The following NAALADL2 variants were observed in gnomAD, a reference collection of about 807,000 sequenced individuals.
NAALADL2 encodes the protein inactive N-acetylated-alpha-linked acidic dipeptidase-like protein 2.
Under a neutral mutation model 87.2 loss-of-function variants are expected in NAALADL2, and 76 were observed. The observed-to-expected ratio is 0.87, with a 90% confidence interval of 0.72 to 1.05. The LOEUF (loss-of-function observed/expected upper bound fraction) is 1.05. Among genes scored for constraint, NAALADL2 ranks in the 50% least tolerant of loss-of-function variants. The pLI, the probability that NAALADL2 is intolerant of heterozygous loss-of-function variation, is 0.00. For synonymous variants in NAALADL2, 354 were observed against 331.0 expected, an observed-to-expected ratio of 1.07 and a Z score of -0.75; for missense variants, 1,089 against 945.8, an observed-to-expected ratio of 1.15 and a Z score of -1.99.
intron 1 of NAALADL2, among the ~76,000 whole-genome samples, chr3:174,865,128 A>C (rs1408555270): frequency 6.6e-6 from 1 of 152,018 alleles, no homozygotes; most frequent in Admixed American, 6.6e-5. Flanking sequence ...TTATATTGAA[A>C]AGTAATTTAC....
At chr3:175,594,075 G>A (rs1004357682) in intron 10 of NAALADL2, among the ~76,000 whole-genome samples, 1 of 151,760 alleles carries the variant, frequency 6.6e-6, no homozygotes, top group African/African-American at 2.4e-5. Context: ...TGAGGTTTAG[G>A]GTACAGATCC....
chr3:174,721,935 G>A (rs1361928721), intron 2 of NAALADL2, among the ~76,000 whole-genome samples: 1 of 152,156 alleles, frequency 6.6e-6, no homozygotes, highest in Non-Finnish European at 1.5e-5. Context: ...AATACATTCA[G>A]TCAGTTGTTA....
At chr3:174,871,482 A>C (rs1727809313) in intron 1 of NAALADL2, among the ~76,000 whole-genome samples, 1 of 152,250 alleles carries the variant, frequency 6.6e-6, no homozygotes, top group Non-Finnish European at 1.5e-5. Context: ...ACATAGGCTA[A>C]AAATGAAGGA....
At chr3:174,852,278 A>T (rs1264515001) in intron 3 of NAALADL2, among the ~76,000 whole-genome samples, 2 of 152,168 alleles carry the variant, frequency 1.3e-5, no homozygotes, top group Admixed American at 1.3e-4. Flanking sequence ...AATTAAAAAT[A>T]TCCTTCCTTG....
chr3:175,028,573 G>T (rs1302950659), intron 1 of NAALADL2, among the ~76,000 whole-genome samples: 6 of 151,918 alleles, frequency 3.9e-5, no homozygotes, highest in African/African-American at 1.2e-4. Flanking sequence ...AGACTTTCAT[G>T]ACCATTTTTA....
chr3:174,837,241 A>G (rs1723440573), intron 3 of NAALADL2, among the ~76,000 whole-genome samples: 1 of 152,200 alleles, frequency 6.6e-6, no homozygotes, highest in South Asian at 2.1e-4. Context: ...ATTGATAGAC[A>G]TTAGCAAGAT....
intron 1 of NAALADL2, among the ~76,000 whole-genome samples, chr3:174,457,600 C>T (rs1715926799): frequency 6.6e-6 from 1 of 152,036 alleles, no homozygotes; most frequent in Admixed American, 6.6e-5. Flanking sequence ...CTGAGGTGGG[C>T]AGATCATGAG....
At position 175,752,485 on chromosome 3, in the gene NAALADL2, C is replaced by T. The variant is rs1248094550; in HGVS notation, c.1991-2735C>T. On this transcript the variant is annotated intron_variant, in intron 12 of 13. Transcript: ENST00000454872. ...TTCTTTCTGGTCTTATTTAAAAGAA[C>T]AAGCAAGCTCTAATTGGCAGAGAAA... is the stretch of plus-strand genomic sequence containing the variant. Among the ~76,000 whole-genome samples the T allele has an allele frequency of 5.3e-5, 8 of 152,064 alleles. No homozygotes were observed. In the East Asian group the frequency reaches 1.5e-3, roughly 29 times the overall value.
chr3:175,520,159 A>G (rs1732421978), intron 9 of NAALADL2, among the ~76,000 whole-genome samples: 1 of 152,226 alleles, frequency 6.6e-6, no homozygotes, highest in African/African-American at 2.4e-5. Flanking sequence ...ATAAGTGTTA[A>G]TAGGCTAACT....
chr3:175,123,786 C>T (rs1273714810), intron 2 of NAALADL2, among the ~76,000 whole-genome samples: 2 of 151,874 alleles, frequency 1.3e-5, no homozygotes, highest in Non-Finnish European at 2.9e-5. Context: ...CACAATTGAC[C>T]ATGTTAAATT....
At chr3:175,402,487 A>G (rs968564167) in intron 5 of NAALADL2, among the ~76,000 whole-genome samples, 3 of 152,080 alleles carry the variant, frequency 2.0e-5, no homozygotes, top group Non-Finnish European at 2.9e-5. Context: ...ATACACAAAT[A>G]TAAGTTAGTG....
At chr3:174,946,243 A>G (rs1465839141) in intron 1 of NAALADL2, among the ~76,000 whole-genome samples, 2 of 151,948 alleles carry the variant, frequency 1.3e-5, no homozygotes, top group Non-Finnish European at 2.9e-5. Context: ...TTTTATAAAA[A>G]CTAGTTAAAT....
chr3:175,262,144 C>T (rs1445403707), intron 4 of NAALADL2, among the ~76,000 whole-genome samples: 1 of 151,946 alleles, frequency 6.6e-6, no homozygotes, highest in African/African-American at 2.4e-5. Context: ...TGGTGATTTA[C>T]AATCAATAGT....
upstream of NAALADL2, among the ~76,000 whole-genome samples, chr3:174,855,730 C>G (rs1326339586): frequency 6.7e-6 from 1 of 149,916 alleles, no homozygotes; most frequent in Non-Finnish European, 1.5e-5. Context: ...AACTTGATGA[C>G]TACTTTTAAA....
intron 13 of NAALADL2, among the ~76,000 whole-genome samples, chr3:175,758,839 A>C (rs931774211): frequency 6.6e-6 from 1 of 152,094 alleles, no homozygotes; most frequent in Admixed American, 6.5e-5. Context: ...TCACATAAGA[A>C]TCTCACTCTC....
At chr3:175,021,088 G>A (rs1751495478) in intron 1 of NAALADL2, among the ~76,000 whole-genome samples, 1 of 151,950 alleles carries the variant, frequency 6.6e-6, no homozygotes, top group Non-Finnish European at 1.5e-5. Flanking sequence ...TGTGATTATT[G>A]GTGGGAGGAT....
intron 11 of NAALADL2, among the ~76,000 whole-genome samples, chr3:175,685,629 G>C (rs73881349): frequency 6.6e-6 from 1 of 152,004 alleles, no homozygotes; most frequent in Non-Finnish European, 1.5e-5. Context: ...TGAAGACCCA[G>C]GAGAGCCAAT....
chr3:175,058,325 G>C (rs1001446832), intron 1 of NAALADL2, among the ~76,000 whole-genome samples: 1 of 152,100 alleles, frequency 6.6e-6, no homozygotes, highest in Non-Finnish European at 1.5e-5. Flanking sequence ...TACTGATTAA[G>C]TCATTTAATT....
intron 2 of NAALADL2, among the ~76,000 whole-genome samples, chr3:175,215,216 G>T (rs1742335267): frequency 6.6e-6 from 1 of 152,088 alleles, no homozygotes; most frequent in Non-Finnish European, 1.5e-5. Context: ...GTTTTTCAGG[G>T]TTGATGTGAA....
Sources: gnomAD v4.1 joint callset for allele counts (sites outside exome capture counted in the v4.1 genomes callset) on GRCh38, gnomAD v4.1.1 for gene constraint, MANE v1.5 for transcripts, NCBI Gene and HGNC (gene_info 2026-07-23, HGNC 2026-07-21) for gene names.